Variants in KCNMA1 observed in about 807,000 individuals in gnomAD.
The protein encoded by KCNMA1 is Calcium-activated potassium channel subunit alpha-1.
A neutral mutation model predicts 140.0 loss-of-function variants in KCNMA1; 29 were observed. That is an observed-to-expected ratio of 0.21 (90% CI 0.15 to 0.28). The LOEUF is 0.28. Ranked by LOEUF, KCNMA1 falls within the 10% of genes least tolerant of loss-of-function variation. KCNMA1 has a pLI of 1.00. For missense variants in KCNMA1, 880 were observed against 1,602.2 expected (o/e 0.55, Z 7.70); for synonymous variants, 612 against 611.9 (o/e 1.00, Z 0.00).
At chr10:77,586,017 C>T (rs2077179112) in intron 1 of KCNMA1, among the ~76,000 whole-genome samples, 1 of 152,220 alleles carries the variant, frequency 6.6e-6, no homozygotes, top group Non-Finnish European at 1.5e-5. Context: ...TGACCACGCA[C>T]ACTTTATATC....
intron 2 of KCNMA1, among the ~76,000 whole-genome samples, chr10:77,296,700 A>G (rs1349297499): frequency 6.6e-6 from 1 of 151,994 alleles, no homozygotes; most frequent in East Asian, 1.9e-4. Flanking sequence ...CCTGGATAGA[A>G]CTGCCATCCC....
intron 6 of KCNMA1, among the ~76,000 whole-genome samples, chr10:77,114,931 C>T (rs887166885): frequency 6.6e-6 from 1 of 152,216 alleles, no homozygotes; most frequent in South Asian, 2.1e-4. Flanking sequence ...CCTCTCTTAC[C>T]TCTCTTTTGG....
chr10:77,198,568 G>GAGAT (rs1554968719), intron 3 of KCNMA1, among the ~76,000 whole-genome samples: 25 of 138,428 alleles, frequency 1.8e-4, no homozygotes, highest in African/African-American at 6.1e-4. Flanking sequence ...ATATATATGT[G>GAGAT]ATATATATAT....
At chr10:77,250,157 C>T (rs981107788) in intron 3 of KCNMA1, 4 of 152,182 alleles carry the variant, frequency 2.6e-5, no homozygotes, top group Admixed American at 1.3e-4. Context: ...GAAAGGAGCA[C>T]TAAGCTCAGA....
intron 3 of KCNMA1, among the ~76,000 whole-genome samples, chr10:77,185,178 A>C (rs183112034): frequency 6.6e-6 from 1 of 151,998 alleles, no homozygotes; most frequent in Non-Finnish European, 1.5e-5. Flanking sequence ...ATCATTCAGC[A>C]GTTGAACTAA....
chr10:76,952,221 A>G (rs1348036187), intron 21 of KCNMA1: 3 of 1,530,036 alleles, frequency 2.0e-6, no homozygotes, highest in Non-Finnish European at 2.6e-6. Flanking sequence ...CCATGAATAC[A>G]TCAGAATGTA....
intron 1 of KCNMA1, chr10:77,636,310 C>A: frequency 6.6e-7 from 1 of 1,507,058 alleles, no homozygotes; most frequent in South Asian, 1.3e-5. Context: ...CGACTACAGA[C>A]CAGGCAGTGA....
At chr10:77,109,529 C>A (rs190664984) in intron 8 of KCNMA1, among the ~76,000 whole-genome samples, 21 of 152,142 alleles carry the variant, frequency 1.4e-4, no homozygotes, top group African/African-American at 5.1e-4. Context: ...TAAAGAGCTG[C>A]GTAGACTTTT....
At chr10:77,290,284 A>G (rs912979549) in intron 2 of KCNMA1, among the ~76,000 whole-genome samples, 2 of 152,256 alleles carry the variant, frequency 1.3e-5, no homozygotes, top group Admixed American at 6.5e-5. Context: ...TTATCTAACA[A>G]AATTTTAAAT....
At chr10:77,549,119 T>G (rs549165704) in intron 1 of KCNMA1, among the ~76,000 whole-genome samples, 1 of 152,350 alleles carries the variant, frequency 6.6e-6, no homozygotes, top group East Asian at 1.9e-4. Context: ...ATGCCTTGTA[T>G]GTATTAACCT....
At chr10:77,076,138 G>A (rs910995731) in intron 13 of KCNMA1, among the ~76,000 whole-genome samples, 12 of 151,928 alleles carry the variant, frequency 7.9e-5, no homozygotes, top group South Asian at 4.2e-4. Context: ...AAGAGGAAAC[G>A]ATTTAATACA....
intron 1 of KCNMA1, among the ~76,000 whole-genome samples, chr10:77,517,834 T>A (rs1264867262): frequency 6.6e-6 from 1 of 152,148 alleles, no homozygotes; most frequent in Non-Finnish European, 1.5e-5. Context: ...ACTGCCTCCA[T>A]GCAACAGACA....
chr10:77,007,653 G>GTGTATATATATATATATATATATA, intron 18 of KCNMA1, among the ~76,000 whole-genome samples: 4 of 88,460 alleles, frequency 4.5e-5, no homozygotes, highest in African/African-American at 9.0e-5. Context: ...TTGTGTGTGT[G>GTGTATATATATATATATATATATA]TATATATATA....
chr10:77,637,735 A>ACTG lies in KCNMA1; in HGVS notation c.-96_-94dup. The ACTG allele has an allele frequency of 2.4e-6, 3 of 1,247,216 alleles. No homozygotes were observed. Among genetic ancestry groups the ACTG allele is most frequent in the Non-Finnish European group, 3.0e-6 (3 of 991,220 alleles). The allele number at this position is 1,247,216 out of a possible 1,614,324, so 77.3% of individuals were successfully genotyped here. On this transcript the variant is annotated 5_prime_UTR_variant, in exon 1 of 28. Transcript: ENST00000286628. ...ACCCATCAACAGCCATATTGCTGCT[A>ACTG]CTGCTGCCGCCGCCGCCGCCGCCGC...
intron 16 of KCNMA1, among the ~76,000 whole-genome samples, chr10:77,022,009 G>A (rs12783257): frequency 0.024 from 3,616 of 152,172 alleles, 61 homozygotes; most frequent in Admixed American, 0.035. Flanking sequence ...GCTAATCCCC[G>A]TCTTCTTCAA....
chr10:77,600,727 A>G (rs756844889), intron 1 of KCNMA1, among the ~76,000 whole-genome samples: 3 of 151,388 alleles, frequency 2.0e-5, no homozygotes, highest in Non-Finnish European at 2.9e-5. Flanking sequence ...AGCCTGGGTG[A>G]CAGAGCGAAA....
chr10:77,338,571 T>A (rs1241684318), intron 2 of KCNMA1, among the ~76,000 whole-genome samples: 1 of 152,162 alleles, frequency 6.6e-6, no homozygotes, highest in Non-Finnish European at 1.5e-5. Context: ...CAGAGCTCAG[T>A]TCACACCCCA....
At chr10:77,571,189 C>T (rs7088086) in intron 1 of KCNMA1, among the ~76,000 whole-genome samples, 2,233 of 152,270 alleles carry the variant, frequency 0.015, 62 homozygotes, top group African/African-American at 0.051. Context: ...CTGAAACCCT[C>T]GGGAATCTGA....
intron 25 of KCNMA1, among the ~76,000 whole-genome samples, chr10:76,895,540 T>C (rs2042107476): frequency 6.6e-6 from 1 of 152,158 alleles, no homozygotes; most frequent in Non-Finnish European, 1.5e-5. Context: ...ATAACCCAAA[T>C]TTCCATTAGC....
Sources: allele counts gnomAD v4.1 joint callset (sites outside exome capture counted in the v4.1 genomes callset), GRCh38; gene constraint gnomAD v4.1.1; transcripts MANE v1.5; gene names NCBI Gene and HGNC (gene_info 2026-07-23, HGNC 2026-07-21).